PCDHGA1: variants seen among roughly 807,000 people sequenced by gnomAD.
PCDHGA1 encodes protocadherin gamma-A1.
In PCDHGA1, 32 loss-of-function variants were observed where a neutral mutation model predicts 58.0. The ratio of observed to expected loss-of-function variants is 0.55; its 90% CI spans 0.42 to 0.74. The LOEUF is 0.74. PCDHGA1 is among the 30% of genes least tolerant of loss of function. PCDHGA1 has a pLI of 0.00. For synonymous variants in PCDHGA1, 498 were observed against 501.1 expected, an observed-to-expected ratio of 0.99 and a Z score of 0.08; for missense variants, 1,205 against 1,182.3, an observed-to-expected ratio of 1.02 and a Z score of -0.28.
intron 2 of PCDHGA1, among the ~76,000 whole-genome samples, chr5:141,504,799 C>A (rs1474096570): frequency 6.6e-6 from 1 of 151,994 alleles, no homozygotes; most frequent in African/African-American, 2.4e-5. Context: ...CCTACATCTC[C>A]CCCTAGGTAC....
At position 141,421,347 on chromosome 5, in the gene PCDHGA1, C is replaced by T. The variant is rs147068995; in HGVS notation, c.2422-73460C>T. 359 of 1,613,948 alleles carry T rather than the reference C, an allele frequency of 2.2e-4. 2 individuals carry two copies. In the East Asian group the frequency reaches 6.5e-3, roughly 29 times the overall value. On this transcript the variant is annotated intron_variant, in intron 1 of 3. Coordinates refer to ENST00000517417, the MANE Select transcript of PCDHGA1 (RefSeq NM_018912.3). ...TCCGATATTCGGTGCCAGAAGAGAC[C>T]GAAAAGGGCTCCTTCGTGGGCAATA...
At chr5:141,410,585 G>A in intron 1 of PCDHGA1, 1 of 1,610,012 alleles carries the variant, frequency 6.2e-7, no homozygotes, top group South Asian at 1.1e-5. Flanking sequence ...TCATGGTGGG[G>A]AGGATTTGAC....
intron 1 of PCDHGA1, chr5:141,343,776 T>G (rs376946510): frequency 5.1e-5 from 21 of 410,038 alleles, no homozygotes; most frequent in African/African-American, 4.3e-4. Context: ...GTTAGGCCTC[T>G]TAGTGTCGCT....
In PCDHGA1 at chr5:141,371,356, C is replaced by T. The variant is rs748519288; in HGVS notation, c.2421+38251C>T. 2.4e-5 allele frequency: 38 copies of T among 1,613,940 alleles called. No homozygotes were observed. The East Asian group carries it at 7.8e-4, about 33-fold the overall frequency. ...GATAGCTACACAATTGGGGTGGAAG[C>T]AAAGGATGGTGGACATCACACTGCA... is the stretch of plus-strand genomic sequence containing the variant. On this transcript the variant is annotated intron_variant, in intron 1 of 3. Transcript: ENST00000517417.
At chr5:141,338,152 G>A (rs568839509) in intron 1 of PCDHGA1, among the ~76,000 whole-genome samples, 1 of 152,230 alleles carries the variant, frequency 6.6e-6, no homozygotes, top group South Asian at 2.1e-4. Flanking sequence ...TCATATCACA[G>A]CAGTTACCAT....
Position 141,485,418 on chromosome 5 carries a change from G to A in PCDHGA1, c.2422-9389G>A. ...CACTTCCGTGTGGATTTGGACAGCG[G>A]AGCCCTGCTCATCAAGAACCCAATC... On this transcript the variant is annotated intron_variant, in intron 1 of 3. Transcript: ENST00000517417. This position sits in a 1 kb window ranked among gnomAD's most constrained non-coding sequence, Gnocchi z 5.7. 6.2e-7 allele frequency: 1 copy of A among 1,614,174 alleles called. No homozygotes were observed. The highest frequency in any genetic ancestry group is 8.5e-7 in the Non-Finnish European group (1 of 1,180,042).
At chr5:141,375,326 G>C (rs1771348524) in intron 1 of PCDHGA1, 1 of 1,613,776 alleles carries the variant, frequency 6.2e-7, no homozygotes. Flanking sequence ...CCGGGAAGAG[G>C]TATTCTTGTA....
rs771804151 is a variant in PCDHGA1, at chr5:141,486,704, A to G, written c.2422-8103A>G. On this transcript the variant is annotated intron_variant, in intron 1 of 3. Coordinates refer to ENST00000517417, the MANE Select transcript of PCDHGA1 (RefSeq NM_018912.3). The surrounding 1 kb of genome is among the most constrained non-coding windows in gnomAD (Gnocchi z 5.0). ...ATCAGCTTCCTCTTTCATCTCTCTG[A>G]ACCCCCAGACAGGAGCTGTTCATGC... 2.2e-5 allele frequency: 35 copies of G among 1,614,016 alleles called. No homozygotes were observed. Among genetic ancestry groups the G allele is most frequent in the Non-Finnish European group, 2.7e-5 (32 of 1,180,032 alleles).
At chr5:141,451,334 C>G (rs916812246) in intron 1 of PCDHGA1, among the ~76,000 whole-genome samples, 4 of 152,192 alleles carry the variant, frequency 2.6e-5, no homozygotes, top group Non-Finnish European at 4.4e-5. Context: ...AGGCTATTGT[C>G]TTATCTGAAG....
intron 1 of PCDHGA1, chr5:141,427,807 A>C (rs1443881781): frequency 6.6e-7 from 1 of 1,522,050 alleles, no homozygotes; most frequent in South Asian, 1.1e-5. Flanking sequence ...GTGAGCGCAC[A>C]GAGCGGGGTG....
intron 1 of PCDHGA1, among the ~76,000 whole-genome samples, chr5:141,402,587 T>C (rs2094282900): frequency 1.3e-5 from 2 of 152,228 alleles, no homozygotes; most frequent in Non-Finnish European, 2.9e-5. Flanking sequence ...ATCTAAAAAA[T>C]AGATTGCTTT....
chr5:141,475,981 G>A, intron 1 of PCDHGA1: 1 of 1,042,940 alleles, frequency 9.6e-7, no homozygotes, highest in Non-Finnish European at 1.4e-6. Context: ...CTGAACAGCC[G>A]GCGAGCAAAT....
At position 141,352,497 on chromosome 5, in the gene PCDHGA1, A is replaced by G. The variant is rs932684765; in HGVS notation, c.2421+19392A>G. ...AACCACAGCGAGGGGACTTTGCCCT[A>G]TTCCTACAATCTATGTATTGCCTCT... is the stretch of plus-strand genomic sequence containing the variant. On this transcript the variant is annotated intron_variant, in intron 1 of 3. Coordinates refer to ENST00000517417, the MANE Select transcript of PCDHGA1 (RefSeq NM_018912.3). The G allele has an allele frequency of 2.5e-6, 4 of 1,613,910 alleles. No homozygotes were observed. In the African/African-American group the frequency reaches 4.0e-5, roughly 16 times the overall value.
intron 1 of PCDHGA1, chr5:141,388,705 A>G: frequency 6.2e-7 from 1 of 1,613,994 alleles, no homozygotes; most frequent in African/African-American, 1.3e-5. Flanking sequence ...GAGGGTGTCA[A>G]TGCCGAGATT....
chr5:141,355,817 C>G, intron 1 of PCDHGA1: 1 of 1,612,886 alleles, frequency 6.2e-7, no homozygotes, highest in African/African-American at 1.3e-5. Context: ...GAGGAAGAGG[C>G]GGTTCACCAC....
chr5:141,437,385 C>T (rs543945898), intron 1 of PCDHGA1, among the ~76,000 whole-genome samples: 12 of 152,202 alleles, frequency 7.9e-5, no homozygotes, highest in Non-Finnish European at 1.6e-4. Flanking sequence ...AGAAGACATT[C>T]ATCCACTGCT....
intron 1 of PCDHGA1, chr5:141,471,645 T>G (rs891817778): frequency 1.3e-5 from 2 of 152,178 alleles, no homozygotes; most frequent in Non-Finnish European, 2.9e-5. Context: ...AGTAATATAC[T>G]GGATGTGGGG....
Position 141,487,106 on chromosome 5 carries a change from A to G in PCDHGA1, c.2422-7701A>G, listed in dbSNP as rs777727830. ...TGACCTCCCACCACAGAAGCTGGTC[A>G]TTGTGGTAAAGGATAGTGGTAGTCC... On this transcript the variant is annotated intron_variant, in intron 1 of 3. Transcript: ENST00000517417. The surrounding 1 kb of genome is among the most constrained non-coding windows in gnomAD (Gnocchi z 5.0). 1 of 1,613,902 alleles carries G rather than the reference A, an allele frequency of 6.2e-7. No individual in the cohort carries two copies. The highest frequency in any genetic ancestry group is 1.3e-5 in the African/African-American group (1 of 75,028).
chr5:141,403,362 G>A lies in PCDHGA1; in HGVS notation c.2421+70257G>A, dbSNP rs200979571. 157 of 1,613,944 alleles carry A rather than the reference G, an allele frequency of 9.7e-5. No homozygotes were observed. Among genetic ancestry groups the A allele is most frequent in the Admixed American group, 4.3e-4 (26 of 60,012 alleles). On this transcript the variant is annotated intron_variant, in intron 1 of 3. Transcript: ENST00000517417. ...AGCGCCCCAAAGTTCCAGGCCGAAA[G>A]TCTGGAAGTAAAAATTAACGAAATC... is the stretch of plus-strand genomic sequence containing the variant.
Sources: gnomAD v4.1 joint callset for allele counts (sites outside exome capture counted in the v4.1 genomes callset) on GRCh38, gnomAD v4.1.1 for gene constraint, Gnocchi (gnomAD v3.1) non-coding constraint, MANE v1.5 for transcripts, NCBI Gene and HGNC (gene_info 2026-07-23, HGNC 2026-07-21) for gene names.